TJP2: variants seen among roughly 807,000 people sequenced by gnomAD.
The protein encoded by TJP2 is tight junction protein 2, also known as Friedreich ataxia region gene X104 (tight junction protein ZO-2).
Under a neutral mutation model 133.1 loss-of-function variants are expected in TJP2, and 91 were observed. The ratio of observed to expected loss-of-function variants is 0.68; its 90% CI spans 0.58 to 0.81. The LOEUF is 0.81. Ranked by LOEUF, TJP2 falls within the 40% of genes least tolerant of loss-of-function variation. The pLI, the probability that TJP2 is intolerant of heterozygous loss-of-function variation, is 0.00. For synonymous variants in TJP2, 592 were observed against 583.4 expected (o/e 1.01, Z -0.21); for missense variants, 1,541 against 1,565.6 (o/e 0.98, Z 0.26).
At chr9:69,213,617 T>G (rs957048144) in intron 2 of TJP2, among the ~76,000 whole-genome samples, 1 of 152,260 alleles carries the variant, frequency 6.6e-6, no homozygotes, top group African/African-American at 2.4e-5. Context: ...AAAAAATGTC[T>G]CTGGGCCAGT....
At position 69,230,247 on chromosome 9, in the gene TJP2, GCT is replaced by G. The variant is rs1057515615; in HGVS notation, c.1671+18_1671+19del. On this transcript the variant is annotated intron_variant, in intron 11 of 22. Coordinates refer to ENST00000377245, the MANE Select transcript of TJP2 (RefSeq NM_004817.4). The stretch of plus-strand genomic sequence containing the variant: ...AGATTCTGAAGGTAAGAACAGCCCA[GCT>G]CTGTTTCTAGAAGTTACTTGTAAGG... The G allele has an allele frequency of 2.2e-5, 36 of 1,614,030 alleles. No individual in the cohort carries two copies. In the East Asian group the frequency reaches 7.8e-4, roughly 35 times the overall value.
intron 1 of TJP2, among the ~76,000 whole-genome samples, chr9:69,137,153 C>T (rs934362610): frequency 4.6e-5 from 7 of 152,144 alleles, no homozygotes; most frequent in Admixed American, 2.0e-4. Context: ...GGCAGCCTCT[C>T]GTCATGAGCT....
At chr9:69,161,523 G>A (rs1260934683) in intron 2 of TJP2, among the ~76,000 whole-genome samples, 3 of 152,006 alleles carry the variant, frequency 2.0e-5, no homozygotes, top group African/African-American at 4.8e-5. Context: ...CACTGCGCCC[G>A]GCCTGATCTG....
chr9:69,234,603 TGA>T lies in TJP2; in HGVS notation c.1780+62_1780+63del, dbSNP rs553651494. 133 of 1,028,840 alleles carry T rather than the reference TGA, an allele frequency of 1.3e-4. 2 individuals are homozygous for T. Among genetic ancestry groups the T allele is most frequent in the South Asian group, 1.3e-3 (97 of 77,270 alleles). 63.7% of individuals were successfully genotyped at this position (1,028,840 alleles called of 1,614,324 possible). On this transcript the variant is annotated intron_variant, in intron 12 of 22. Coordinates refer to ENST00000377245, the MANE Select transcript of TJP2 (RefSeq NM_004817.4). ...GGGTGGGGGTGGGGAGTGGGAAGGATGAGAGAGGTGTCTTGGTACCAGAATAG... is the reference window on the plus strand; with the variant it reads ...GGGTGGGGGTGGGGAGTGGGAAGGATGAGAGGTGTCTTGGTACCAGAATAG...
intron 17 of TJP2, among the ~76,000 whole-genome samples, chr9:69,244,843 G>A (rs949276590): frequency 1.3e-5 from 2 of 152,174 alleles, no homozygotes; most frequent in Non-Finnish European, 2.9e-5. Context: ...TTCAGTAAGA[G>A]CTTTTGTGAT....
At chr9:69,143,968 A>G (rs867009673) in intron 1 of TJP2, among the ~76,000 whole-genome samples, 2 of 152,212 alleles carry the variant, frequency 1.3e-5, no homozygotes, top group Non-Finnish European at 2.9e-5. Flanking sequence ...TTCTCAAGGT[A>G]AATATTATGA....
At chr9:69,163,638 CAA>C (rs34941016) in intron 2 of TJP2, among the ~76,000 whole-genome samples, 66,559 of 135,456 alleles carry the variant, frequency 0.49, 14,908 homozygotes, top group East Asian at 0.66. Flanking sequence ...ACCCTGTCTC[CAA>C]AAAAAAAAAA....
Position 69,251,056 on chromosome 9 carries a change from G to GAATCCTATGACTTCTCCA in TJP2, c.3024_3041dup (p.Asp1008_Tyr1013dup), listed in dbSNP as rs1288537709. The GAATCCTATGACTTCTCCA allele has an allele frequency of 2.5e-6, 4 of 1,614,052 alleles. No homozygotes were observed. Among genetic ancestry groups the GAATCCTATGACTTCTCCA allele is most frequent in the Non-Finnish European group, 3.4e-6 (4 of 1,180,038 alleles). ...GCAGGCCAAAACCCAGAACAAAGAAGAATCCTATGACTTCTCCAAATCCTA... is the reference window on the plus strand; with the variant it reads ...GCAGGCCAAAACCCAGAACAAAGAAGAATCCTATGACTTCTCCAAATCCTATGACTTCTCCAAATCCTA... On this transcript the variant is annotated inframe_insertion, in exon 21 of 23. Coordinates refer to ENST00000377245, the MANE Select transcript of TJP2 (RefSeq NM_004817.4).
At chr9:69,248,418 C>T in intron 19 of TJP2, 194 bp downstream of exon 19, 1 of 1,430,970 alleles carries the variant, frequency 7.0e-7, no homozygotes, top group South Asian at 1.7e-5. Context: ...GGCAGGTGGA[C>T]TTCAGAAGAG....
rs139141305 is a variant in TJP2, at chr9:69,164,975, G to A, written c.-10+13204G>A. ...TTCCCGAGTAGCTGGGATTACAGGCGCCCATCATTACGCCCGGCTAATTTT... is the reference window on the plus strand; with the variant it reads ...TTCCCGAGTAGCTGGGATTACAGGCACCCATCATTACGCCCGGCTAATTTT... On this transcript the variant is annotated intron_variant, in intron 2 of 5. Transcript: ENST00000423935. 3.5e-3 allele frequency among the ~76,000 whole-genome samples: 540 copies of A among 152,190 alleles called. 2 individuals carry two copies. Among genetic ancestry groups the A allele is most frequent in the Non-Finnish European group, 6.2e-3 (421 of 67,994 alleles).
At chr9:69,236,824 C>A in intron 13 of TJP2, 125 bp from the exon 14 acceptor site, 1 of 1,170,702 alleles carries the variant, frequency 8.5e-7, no homozygotes, top group Non-Finnish European at 1.3e-6. Context: ...CCCTCTGAAA[C>A]TTCTTCATTG....
intron 5 of TJP2, among the ~76,000 whole-genome samples, chr9:69,221,829 G>A (rs1380140099): frequency 8.0e-5 from 12 of 150,902 alleles, no homozygotes; most frequent in Admixed American, 5.9e-4. Context: ...TGGGATTACA[G>A]GCATGAGCCA....
At chr9:69,165,815 C>T (rs1472778190) in intron 2 of TJP2, among the ~76,000 whole-genome samples, 1 of 152,186 alleles carries the variant, frequency 6.6e-6, no homozygotes, top group Non-Finnish European at 1.5e-5. Flanking sequence ...TGTTGCAAAG[C>T]ACGCTCCCCA....
rs1271413213 is a variant in TJP2, at chr9:69,229,104, G to A, written c.1454-80G>A. On this transcript the variant is annotated intron_variant, in intron 9 of 22. Transcript: ENST00000377245. ...TATGTGGCATAGACTTACATTTTTT[G>A]TGGATTTTGTGATTTTTCTATTTAG... 5 of 1,327,352 alleles carry A rather than the reference G, an allele frequency of 3.8e-6. No individual in the cohort carries two copies. The East Asian group carries it at 1.1e-4, about 31-fold the overall frequency. The allele number at this position is 1,327,352 out of a possible 1,614,324, so 82.2% of individuals were successfully genotyped here. A position where few individuals can be genotyped will look rare whatever the true frequency, so the allele number is the denominator to read the frequency against.
At chr9:69,134,404 G>A (rs1387285004) in intron 1 of TJP2, among the ~76,000 whole-genome samples, 1 of 152,216 alleles carries the variant, frequency 6.6e-6, no homozygotes, top group African/African-American at 2.4e-5. Flanking sequence ...GGAAGAGGGA[G>A]AAATAGGAAG....
chr9:69,203,139 C>T (rs544561288), intron 1 of TJP2, among the ~76,000 whole-genome samples: 1 of 151,980 alleles, frequency 6.6e-6, no homozygotes, highest in African/African-American at 2.4e-5. Flanking sequence ...CCTGAACCCT[C>T]CCCGAGTTGC....
At chr9:69,232,451 A>G (rs1329904655) in intron 11 of TJP2, among the ~76,000 whole-genome samples, 2 of 152,216 alleles carry the variant, frequency 1.3e-5, no homozygotes, top group African/African-American at 4.8e-5. Context: ...GGACTGTTCA[A>G]TGTAACCTTC....
Position 69,209,018 on chromosome 9 carries a change from T to C in TJP2, c.61-3530T>C, listed in dbSNP as rs193007491. ...CATTTCTGGGTGGTAGTGGCTTAGT[T>C]TTACTAAGGCCACATCTAAAACTGA... On this transcript the variant is annotated intron_variant, in intron 1 of 22. Transcript: ENST00000377245. Among the ~76,000 whole-genome samples, 15 of 152,324 alleles carry C rather than the reference T, an allele frequency of 9.8e-5. No individual in the cohort carries two copies. In the East Asian group the frequency reaches 2.9e-3, roughly 29 times the overall value.
At chr9:69,198,847 G>A (rs756998595) in intron 1 of TJP2, among the ~76,000 whole-genome samples, 3 of 152,194 alleles carry the variant, frequency 2.0e-5, no homozygotes, top group Non-Finnish European at 2.9e-5. Flanking sequence ...TGTTGGATGC[G>A]GTGGCAACTA....
Sources: gnomAD v4.1 joint callset for allele counts (sites outside exome capture counted in the v4.1 genomes callset) on GRCh38, gnomAD v4.1.1 for gene constraint, MANE v1.5 for transcripts, NCBI Gene and HGNC (gene_info 2026-07-23, HGNC 2026-07-21) for gene names.